The following LMF1 variants were observed in gnomAD, a reference collection of about 807,000 sequenced individuals.
The protein encoded by LMF1 is lipase maturation factor 1, also known as transmembrane protein 112.
In LMF1, 68 loss-of-function variants were observed where a neutral mutation model predicts 60.6. The ratio of observed to expected loss-of-function variants is 1.12; its 90% CI spans 0.92 to 1.37. The LOEUF (loss-of-function observed/expected upper bound fraction) is 1.37, where lower values mean the gene tolerates loss of function less well. Among genes scored for constraint, LMF1 ranks in the 40% most tolerant of loss-of-function variants. The pLI, the probability that LMF1 is intolerant of heterozygous loss-of-function variation, is 0.00. For synonymous variants in LMF1, 418 were observed against 324.7 expected (o/e 1.29, Z -3.09); for missense variants, 948 against 767.2 (o/e 1.24, Z -2.78).
At chr16:888,153 T>TG (rs2070366773) in intron 5 of LMF1, among the ~76,000 whole-genome samples, 1 of 151,700 alleles carries the variant, frequency 6.6e-6, no homozygotes. Context: ...GCCCAAGCCT[T>TG]GGGGTGCAGG....
chr16:927,360 G>C (rs137951404), intron 3 of LMF1, among the ~76,000 whole-genome samples: 1 of 152,184 alleles, frequency 6.6e-6, no homozygotes, highest in African/African-American at 2.4e-5. Context: ...TCTGCCTCCC[G>C]GTTTGAGGGA....
intron 4 of LMF1, among the ~76,000 whole-genome samples, chr16:898,341 G>A (rs1236076676): frequency 4.6e-5 from 7 of 152,248 alleles, no homozygotes; most frequent in East Asian, 1.9e-4. Context: ...CAGTCGGGCC[G>A]CCGCAGAGCC....
intron 2 of LMF1, among the ~76,000 whole-genome samples, chr16:949,212 C>G (rs1293757291): frequency 6.7e-6 from 1 of 148,602 alleles, no homozygotes; most frequent in Non-Finnish European, 1.5e-5. Context: ...CAGCCAACGA[C>G]AGAGTCAGCC....
At chr16:868,700 C>T (rs1225337600) in intron 10 of LMF1, among the ~76,000 whole-genome samples, 1 of 149,744 alleles carries the variant, frequency 6.7e-6, no homozygotes, top group African/African-American at 2.4e-5. Context: ...GGGCTCCTCT[C>T]ACCACGGCTG....
intron 1 of LMF1, chr16:979,747 A>C (rs536356903): frequency 4.4e-6 from 2 of 454,092 alleles, no homozygotes; most frequent in South Asian, 3.1e-5. Flanking sequence ...TGTGAGCCCG[A>C]GTGGGCGATG....
intron 2 of LMF1, chr16:947,479 C>T (rs897847352): frequency 3.5e-5 from 16 of 456,072 alleles, no homozygotes; most frequent in African/African-American, 1.0e-4. Context: ...TGGGTGCTGG[C>T]GGCCTCCCAG....
intron 4 of LMF1, 105 bp downstream of exon 4, chr16:910,826 A>AGG: frequency 5.6e-5 from 80 of 1,438,524 alleles, no homozygotes; most frequent in Non-Finnish European, 7.5e-5. Context: ...AGGAGGACAG[A>AGG]GGGCGGCGGG....
At chr16:948,605 G>A (rs1320433670) in intron 2 of LMF1, among the ~76,000 whole-genome samples, 3 of 134,282 alleles carry the variant, frequency 2.2e-5, no homozygotes, top group African/African-American at 7.7e-5. Context: ...CAGAATCAAA[G>A]ACAATGACAG....
At chr16:857,289 T>A (rs1206738438) in intron 10 of LMF1, among the ~76,000 whole-genome samples, 1 of 152,266 alleles carries the variant, frequency 6.6e-6, no homozygotes, top group Admixed American at 6.5e-5. Context: ...AAGCAGCTGC[T>A]GAGTCCACTG....
At chr16:972,248 TCTTTTCTATGAAACCC>T, upstream of LMF1, among the ~76,000 whole-genome samples, 1 of 94,306 alleles carries the variant, frequency 1.1e-5, no homozygotes, top group South Asian at 4.6e-4. Context: ...AGTTTCCATT[TCTTTTCTATGAAACCC>T]CCCTTAGGAG....
chr16:919,877 C>T (rs2071386534), intron 3 of LMF1, among the ~76,000 whole-genome samples: 1 of 152,096 alleles, frequency 6.6e-6, no homozygotes, highest in South Asian at 2.1e-4. Flanking sequence ...ACAGCTCCGC[C>T]CCGGGACCCC....
chr16:965,645 C>G (rs943515187), intron 1 of LMF1, among the ~76,000 whole-genome samples: 3 of 152,204 alleles, frequency 2.0e-5, no homozygotes, highest in African/African-American at 7.2e-5. Context: ...TCTGGAAAAG[C>G]TGCTTGGGGA....
At chr16:890,368 G>C (rs897893280) in intron 5 of LMF1, among the ~76,000 whole-genome samples, 4 of 152,214 alleles carry the variant, frequency 2.6e-5, no homozygotes, top group Admixed American at 1.3e-4. Flanking sequence ...AGTCACAGTG[G>C]GTTTTGAAAT....
chr16:892,508 G>A (rs2070519890), intron 5 of LMF1, among the ~76,000 whole-genome samples: 2 of 152,256 alleles, frequency 1.3e-5, no homozygotes, highest in African/African-American at 4.8e-5. Context: ...TGGGGCGTCT[G>A]AAGGGACTCA....
rs116550377 is a variant in LMF1, at chr16:914,351, C to T, written c.515-3272G>A. On this transcript the variant is annotated intron_variant, in intron 3 of 10. Transcript: ENST00000262301. Reference sequence around the variant, plus strand: ...GGGAGAAGGCTGGGCAGGCCAAGACCCGGGGAGGCTCCCCACACCCGACCT... The same window carrying T: ...GGGAGAAGGCTGGGCAGGCCAAGACTCGGGGAGGCTCCCCACACCCGACCT... 1.6e-3 allele frequency among the ~76,000 whole-genome samples: 245 copies of T among 152,230 alleles called. 2 individuals carry two copies. The highest frequency in any genetic ancestry group is 5.5e-3 in the African/African-American group (229 of 41,524).
intron 2 of LMF1, among the ~76,000 whole-genome samples, chr16:949,204 G>T (rs2072358441): frequency 6.6e-6 from 1 of 150,940 alleles, no homozygotes; most frequent in African/African-American, 2.5e-5. Flanking sequence ...ATGACAGTCA[G>T]CCAACGACAG....
At chr16:879,396 GGACAGGGCTGCAGTGGGGCCCGT>G (rs2070093050) in intron 6 of LMF1, among the ~76,000 whole-genome samples, 151 bp downstream of exon 6, 1 of 152,286 alleles carries the variant, frequency 6.6e-6, no homozygotes, top group African/African-American at 2.4e-5. Flanking sequence ...CTGCAGCCCG[GGACAGGGCTGCAGTGGGGCCCGT>G]GACACAAACG....
chr16:929,854 G>A (rs981525873), intron 3 of LMF1, among the ~76,000 whole-genome samples: 1 of 152,094 alleles, frequency 6.6e-6, no homozygotes, highest in African/African-American at 2.4e-5. Context: ...GTCTGTGAAC[G>A]GGGGCGCACG....
chr16:910,392 G>GA (rs759927361), intron 4 of LMF1, among the ~76,000 whole-genome samples: 77 of 152,278 alleles, frequency 5.1e-4, no homozygotes, highest in Middle Eastern at 6.8e-3. Context: ...TGGTCGTCCT[G>GA]AGAGACGTCA....
Sources: allele counts gnomAD v4.1 joint callset (sites outside exome capture counted in the v4.1 genomes callset), GRCh38; gene constraint gnomAD v4.1.1; transcripts MANE v1.5; gene names NCBI Gene and HGNC (gene_info 2026-07-23, HGNC 2026-07-21).